Variants in RASAL2 observed in about 807,000 individuals in gnomAD.
RASAL2 encodes the protein RAS protein activator like 2, also known as ras GTPase-activating protein nGAP.
RASAL2 carries 58 observed loss-of-function variants against 128.9 expected under a neutral mutation model. That is an observed-to-expected ratio of 0.45 (90% CI 0.36 to 0.56). RASAL2 has a LOEUF of 0.56. Ranked by LOEUF, RASAL2 falls within the 20% of genes least tolerant of loss-of-function variation. The pLI, the probability that RASAL2 is intolerant of heterozygous loss-of-function variation, is 0.00. For synonymous variants in RASAL2, 561 were observed against 580.8 expected (o/e 0.97, Z 0.49); for missense variants, 1,360 against 1,601.6 (o/e 0.85, Z 2.57).
Position 178,446,794 on chromosome 1 carries a change from G to A in RASAL2, c.1627+1132G>A, listed in dbSNP as rs778554181. Among the ~76,000 whole-genome samples the A allele has an allele frequency of 6.0e-4, 92 of 152,144 alleles. 1 individual carries two copies. The highest frequency in any genetic ancestry group is 1.9e-4 in the Non-Finnish European group (13 of 68,018). ...AATTTTAAAAAAATTGAATCCAGCT[G>A]ATAGAATTGTCAAACTTTCTGTGTG... On this transcript the variant is annotated intron_variant, in intron 9 of 17. Coordinates refer to ENST00000367649, the MANE Select transcript of RASAL2 (RefSeq NM_170692.4).
At chr1:178,422,960 A>G (rs1012078397) in intron 5 of RASAL2, among the ~76,000 whole-genome samples, 2 of 152,108 alleles carry the variant, frequency 1.3e-5, no homozygotes, top group Admixed American at 1.3e-4. Context: ...CTCCCCACAT[A>G]AATAACCTTA....
At chr1:178,201,298 T>A (rs1662858836) in intron 1 of RASAL2, among the ~76,000 whole-genome samples, 1 of 152,176 alleles carries the variant, frequency 6.6e-6, no homozygotes, top group Admixed American at 6.5e-5. Context: ...AGGTGAATTG[T>A]GAATTAAAAG....
chr1:178,341,017 G>A (rs57970916), intron 3 of RASAL2, among the ~76,000 whole-genome samples: 10,432 of 152,090 alleles, frequency 0.069, 1,149 homozygotes, highest in African/African-American at 0.23. Context: ...TAAACTGATC[G>A]GTTTAAGAAG....
chr1:178,217,601 G>C (rs566952176), intron 1 of RASAL2, among the ~76,000 whole-genome samples: 10 of 152,166 alleles, frequency 6.6e-5, no homozygotes, highest in Admixed American at 2.0e-4. Context: ...GAATTTTTTT[G>C]TTTCTCAGTC....
rs553699566 is a variant in RASAL2, at chr1:178,321,806, T to C, written c.457+21688T>C. On this transcript the variant is annotated intron_variant, in intron 3 of 17. Coordinates refer to ENST00000367649, the MANE Select transcript of RASAL2 (RefSeq NM_170692.4). Reference sequence around the variant, plus strand: ...GAGTTTGAGACCAGCCTGACCAACATGGTGAAACCCCGTCTCTACTAAAAA... The same window carrying C: ...GAGTTTGAGACCAGCCTGACCAACACGGTGAAACCCCGTCTCTACTAAAAA... Among the ~76,000 whole-genome samples the C allele has an allele frequency of 5.6e-3, 845 of 151,116 alleles. 11 individuals are homozygous for C. The highest frequency in any genetic ancestry group is 0.019 in the African/African-American group (790 of 41,244).
intron 3 of RASAL2, among the ~76,000 whole-genome samples, chr1:178,350,345 C>G (rs1051235457): frequency 6.6e-6 from 1 of 152,166 alleles, no homozygotes; most frequent in Non-Finnish European, 1.5e-5. Context: ...CTCAGCCCCC[C>G]GAGTAGCTGG....
chr1:178,116,473 ATAG>A (rs909689927), intron 1 of RASAL2, among the ~76,000 whole-genome samples: 13 of 152,330 alleles, frequency 8.5e-5, no homozygotes, highest in African/African-American at 2.4e-4. Context: ...GAGTAGTATA[ATAG>A]TAGGAAGATT....
chr1:178,369,861 A>G (rs1439337731), intron 3 of RASAL2, among the ~76,000 whole-genome samples: 1 of 152,086 alleles, frequency 6.6e-6, no homozygotes, highest in East Asian at 1.9e-4. Context: ...GGTATGAGAT[A>G]TTGTTGAGAA....
At chr1:178,252,069 A>G (rs1485922386) in intron 1 of RASAL2, among the ~76,000 whole-genome samples, 1 of 152,122 alleles carries the variant, frequency 6.6e-6, no homozygotes, top group Non-Finnish European at 1.5e-5. Flanking sequence ...GTGCTTGAAA[A>G]ATTTTATAAA....
chr1:178,399,570 C>T (rs1673483243), intron 4 of RASAL2, among the ~76,000 whole-genome samples: 1 of 152,148 alleles, frequency 6.6e-6, no homozygotes, highest in African/African-American at 2.4e-5. Context: ...TCTGGGGCCC[C>T]TGGCACCTCT....
chr1:178,432,957 C>T (rs1676017613), intron 5 of RASAL2, among the ~76,000 whole-genome samples: 1 of 152,052 alleles, frequency 6.6e-6, no homozygotes. Context: ...TGTAATTCCC[C>T]TTCTACCACC....
At chr1:178,466,165 C>T (rs377671158) in intron 16 of RASAL2, 43 bp downstream of exon 16, 5 of 1,497,490 alleles carry the variant, frequency 3.3e-6, no homozygotes, top group African/African-American at 2.8e-5. Flanking sequence ...GTTAGCAAGA[C>T]AAAGAATTGA....
chr1:178,369,129 T>G (rs970508946), intron 3 of RASAL2, among the ~76,000 whole-genome samples: 2 of 152,112 alleles, frequency 1.3e-5, no homozygotes, highest in Non-Finnish European at 2.9e-5. Context: ...ATGACAAAAT[T>G]TCAATCTAGA....
chr1:178,343,867 G>T (rs962124299), intron 3 of RASAL2, among the ~76,000 whole-genome samples: 9 of 151,178 alleles, frequency 6.0e-5, no homozygotes, highest in Non-Finnish European at 1.2e-4. Flanking sequence ...AGTTTTTATT[G>T]GTGTATAATA....
At chr1:178,190,966 TAGG>T (rs1662474615) in intron 1 of RASAL2, among the ~76,000 whole-genome samples, 1 of 152,174 alleles carries the variant, frequency 6.6e-6, no homozygotes, top group African/African-American at 2.4e-5. Flanking sequence ...CTTCAGGTAT[TAGG>T]AGAATTAAAT....
chr1:178,442,575 C>A, intron 7 of RASAL2, 100 bp from the exon 8 acceptor site: 2 of 949,250 alleles, frequency 2.1e-6, no homozygotes, highest in Non-Finnish European at 3.1e-6. Context: ...TTGTTGACTC[C>A]CCTTAATAGA....
chr1:178,303,728 A>C (rs1667868753), intron 3 of RASAL2, among the ~76,000 whole-genome samples: 1 of 152,114 alleles, frequency 6.6e-6, no homozygotes, highest in African/African-American at 2.4e-5. Flanking sequence ...TATTTGCAAC[A>C]CCTATAATGA....
chr1:178,265,718 T>C (rs146960058), intron 1 of RASAL2, among the ~76,000 whole-genome samples: 18 of 152,340 alleles, frequency 1.2e-4, no homozygotes, highest in African/African-American at 4.3e-4. Flanking sequence ...GTGTAATTTA[T>C]ACCCTGCTCA....
intron 11 of RASAL2, 88 bp downstream of exon 11, chr1:178,452,740 A>G (rs1677471974): frequency 2.3e-5 from 23 of 1,021,594 alleles, no homozygotes; most frequent in Middle Eastern, 2.1e-4. Context: ...GAGCCTCATC[A>G]CTCATGTTAC....
Sources: gnomAD v4.1 joint callset for allele counts (sites outside exome capture counted in the v4.1 genomes callset) on GRCh38, gnomAD v4.1.1 for gene constraint, MANE v1.5 for transcripts, NCBI Gene and HGNC (gene_info 2026-07-23, HGNC 2026-07-21) for gene names.